Variants in DGLUCY observed in about 807,000 individuals in gnomAD.
DGLUCY encodes the protein D-glutamate cyclase, also known as D-glutamate cyclase, mitochondrial.
Under a neutral mutation model 58.5 loss-of-function variants are expected in DGLUCY, and 58 were observed. The ratio of observed to expected loss-of-function variants is 0.99; its 90% confidence interval spans 0.80 to 1.23. The LOEUF (loss-of-function observed/expected upper bound fraction) is 1.23, where lower values mean the gene tolerates loss of function less well. DGLUCY is among the 50% of genes most tolerant of loss of function. DGLUCY has a pLI of 0.00. For synonymous variants in DGLUCY, 325 were observed against 314.1 expected, an observed-to-expected ratio of 1.03 and a Z score of -0.37; for missense variants, 779 against 784.7, an observed-to-expected ratio of 0.99 and a Z score of 0.09.
Position 91,189,014 on chromosome 14 carries a change from C to G in DGLUCY, c.1039C>G (p.His347Asp). The change falls in exon 9 of 14, where the codon CAT becomes GAT. Residue 347 changes from histidine to aspartate, a missense_variant. Physicochemically the swap from His to Asp is moderately conservative, Grantham distance 81. Coordinates refer to ENST00000256324, the MANE Select transcript of DGLUCY (RefSeq NM_001102368.3). ...SVLITTGFPTHFNHEPPEETD... is the reference protein window; with the variant it reads ...SVLITTGFPTDFNHEPPEETD... ...GCTCATCACCACTGGGTTCCCCACA[C>G]ATTTCAATCATGAGCCTCCAGAAGA... The G allele has an allele frequency of 6.2e-7, 1 of 1,614,216 alleles. No homozygotes were observed. Among genetic ancestry groups the G allele is most frequent in the Non-Finnish European group, 8.5e-7 (1 of 1,180,040 alleles).
chr14:91,184,580 G>GGGC lies in DGLUCY; in HGVS notation c.934+3193_934+3194insCGG, dbSNP rs1368677342. On this transcript the variant is annotated intron_variant, in intron 8 of 13. Coordinates refer to ENST00000256324, the MANE Select transcript of DGLUCY (RefSeq NM_001102368.3). ...GAAAGAAAGAAAGAAAGAAAGTTGG[G>GGGC]GGGGGGGAGGGAGGGAGGGAGGGAG... Among the ~76,000 whole-genome samples the GGGC allele has an allele frequency of 7.0e-3, 711 of 102,224 alleles. 18 individuals carry two copies. The highest frequency in any genetic ancestry group is 0.03 in the African/African-American group (684 of 22,536). The allele number at this position is 102,224 out of a possible 152,430, so 67.1% of individuals were successfully genotyped here. A position where few individuals can be genotyped will look rare whatever the true frequency, so the allele number is the denominator to read the frequency against.
rs117223377 is a variant in DGLUCY, at chr14:91,218,159, C to T, written c.1716+2603C>T. On this transcript the variant is annotated intron_variant, in intron 13 of 13. Transcript: ENST00000256324. Reference sequence around the variant, plus strand: ...GGTGACATTTTCAGAGGGAAATGGTCTGCCCTAGAGGGGCCCAGAGGGCCT... The same window carrying T: ...GGTGACATTTTCAGAGGGAAATGGTTTGCCCTAGAGGGGCCCAGAGGGCCT... 1.4e-3 allele frequency among the ~76,000 whole-genome samples: 209 copies of T among 152,288 alleles called. 3 individuals carry two copies. In the East Asian group the frequency reaches 0.024, roughly 17 times the overall value.
chr14:91,069,990 G>GA, intron 1 of DGLUCY, among the ~76,000 whole-genome samples: 1 of 151,086 alleles, frequency 6.6e-6, no homozygotes, highest in South Asian at 2.1e-4. Context: ...GCATTTAGTT[G>GA]AAAAAACTGG....
In DGLUCY at chr14:91,170,167, AC is replaced by A; in HGVS notation, c.425del (p.Pro142GlnfsTer30). 6.2e-7 allele frequency: 1 copy of A among 1,613,764 alleles called. No individual in the cohort carries two copies. Among genetic ancestry groups the A allele is most frequent in the Non-Finnish European group, 8.5e-7 (1 of 1,179,998 alleles). On this transcript the variant is annotated frameshift_variant, in exon 5 of 14. Coordinates refer to ENST00000256324, the MANE Select transcript of DGLUCY (RefSeq NM_001102368.3). LOFTEE classifies it high-confidence loss of function. The stretch of plus-strand genomic sequence containing the variant: ...GAGAAAGCGGGGCTCCCCAGAAGAG[AC>A]CCAGCAGGTCACAGCCAGGCGGGTG... ...ALEKAGLPRR[D>X]PAGHSQAGAY...
intron 1 of DGLUCY, among the ~76,000 whole-genome samples, chr14:91,094,266 C>T (rs531123521): frequency 9.2e-5 from 14 of 151,734 alleles, no homozygotes; most frequent in African/African-American, 2.9e-4. Flanking sequence ...GAAACCCTGT[C>T]TCTACTAAAA....
At chr14:91,165,154 C>T (rs1429455162) in intron 3 of DGLUCY, 2 of 445,472 alleles carry the variant, frequency 4.5e-6, no homozygotes, top group African/African-American at 2.0e-5. Context: ...GTTTCATTAC[C>T]TAGTATAGTT....
intron 1 of DGLUCY, among the ~76,000 whole-genome samples, chr14:91,095,946 G>A (rs917912693): frequency 6.6e-6 from 1 of 152,302 alleles, no homozygotes; most frequent in South Asian, 2.1e-4. Context: ...GCTGACCTGA[G>A]CCAGGTGCTA....
intron 5 of DGLUCY, among the ~76,000 whole-genome samples, chr14:91,171,122 G>T (rs2048554148): frequency 6.6e-6 from 1 of 152,156 alleles, no homozygotes; most frequent in South Asian, 2.1e-4. Flanking sequence ...CTTTGTAGGA[G>T]GTGGGAGCTG....
intron 1 of DGLUCY, among the ~76,000 whole-genome samples, chr14:91,075,694 AT>A (rs372013293): frequency 1.4e-4 from 21 of 152,306 alleles, no homozygotes; most frequent in South Asian, 1.0e-3. Flanking sequence ...GCGTCTTATA[AT>A]ACCTGAAGTC....
At position 91,142,973 on chromosome 14, in the gene DGLUCY, T is replaced by C. The variant is rs991424842; in HGVS notation, c.-81-14666T>C. Among the ~76,000 whole-genome samples, 205 of 130,146 alleles carry C rather than the reference T, an allele frequency of 1.6e-3. 2 individuals are homozygous for C. The highest frequency in any genetic ancestry group is 5.9e-3 in the African/African-American group (197 of 33,524). The allele number at this position is 130,146 out of a possible 152,430, so 85.4% of individuals were successfully genotyped here. On this transcript the variant is annotated intron_variant, in intron 1 of 13. Coordinates refer to ENST00000256324, the MANE Select transcript of DGLUCY (RefSeq NM_001102368.3). ...TGAAATGGAAAGGCGGAAGTTGCAGTGAGCCGAGATCGTGCTACTGCACTC... is the reference window on the plus strand; with the variant it reads ...TGAAATGGAAAGGCGGAAGTTGCAGCGAGCCGAGATCGTGCTACTGCACTC...
intron 8 of DGLUCY, 98 bp downstream of exon 8, chr14:91,181,487 A>T: frequency 5.0e-6 from 6 of 1,208,558 alleles, no homozygotes; most frequent in South Asian, 1.4e-5. Context: ...GTGGGATGCA[A>T]AATGTATCCA....
At chr14:91,127,918 G>GC (rs1378319104) in intron 1 of DGLUCY, among the ~76,000 whole-genome samples, 5 of 147,584 alleles carry the variant, frequency 3.4e-5, no homozygotes, top group Admixed American at 1.4e-4. Flanking sequence ...CAGGCACCTG[G>GC]CTTTTTTTTT....
intron 1 of DGLUCY, among the ~76,000 whole-genome samples, chr14:91,156,408 C>T (rs1445989072): frequency 6.6e-6 from 1 of 152,182 alleles, no homozygotes; most frequent in Non-Finnish European, 1.5e-5. Flanking sequence ...GCCACTGTGC[C>T]CGGCCTGTTT....
At chr14:91,129,645 T>G (rs1169018853) in intron 1 of DGLUCY, among the ~76,000 whole-genome samples, 1 of 151,702 alleles carries the variant, frequency 6.6e-6, no homozygotes, top group Non-Finnish European at 1.5e-5. Context: ...ATGTTTTTTG[T>G]TTTTTGTTTT....
intron 12 of DGLUCY, 115 bp downstream of exon 12, chr14:91,204,940 G>C: frequency 2.2e-6 from 3 of 1,394,308 alleles, no homozygotes; most frequent in Non-Finnish European, 3.0e-6. Flanking sequence ...AGGGCACCAG[G>C]GCAGGGAGGG....
chr14:91,141,621 G>C (rs2046682979), intron 1 of DGLUCY, among the ~76,000 whole-genome samples: 1 of 139,064 alleles, frequency 7.2e-6, no homozygotes, highest in African/African-American at 2.6e-5. Flanking sequence ...GCGCAATTTT[G>C]GCTCACTGCA....
intron 1 of DGLUCY, among the ~76,000 whole-genome samples, chr14:91,144,449 A>G (rs758724263): frequency 2.0e-5 from 3 of 152,160 alleles, no homozygotes; most frequent in African/African-American, 4.8e-5. Context: ...AGTCCCAGCT[A>G]CTAAGGAGGC....
intron 1 of DGLUCY, among the ~76,000 whole-genome samples, chr14:91,067,344 G>C (rs141016266): frequency 1.3e-5 from 2 of 152,104 alleles, no homozygotes; most frequent in African/African-American, 4.8e-5. Flanking sequence ...CTCACTTGGC[G>C]TAAGCCACTA....
At chr14:91,181,793 C>T (rs770516476) in intron 8 of DGLUCY, among the ~76,000 whole-genome samples, 2 of 149,096 alleles carry the variant, frequency 1.3e-5, no homozygotes, top group South Asian at 2.1e-4. Context: ...ATTACAGGCA[C>T]GCTCCACCAC....
Sources: gnomAD v4.1 joint callset for allele counts (sites outside exome capture counted in the v4.1 genomes callset) on GRCh38, gnomAD v4.1.1 for gene constraint, MANE v1.5 for transcripts, NCBI Gene and HGNC (gene_info 2026-07-23, HGNC 2026-07-21) for gene names.